The following CADPS variants were observed in gnomAD, a reference collection of about 807,000 sequenced individuals.
CADPS encodes the protein calcium dependent secretion activator, also known as calcium-dependent secretion activator 1.
CADPS carries 57 observed loss-of-function variants against 167.3 expected under a neutral mutation model. The ratio of observed to expected loss-of-function variants is 0.34; its 90% confidence interval spans 0.28 to 0.42. The LOEUF is 0.42. CADPS is among the 20% of genes least tolerant of loss of function. The pLI, the probability that CADPS is intolerant of heterozygous loss-of-function variation, is 1.00. For missense variants in CADPS, 1,414 were observed against 1,738.1 expected (o/e 0.81, Z 3.32); for synonymous variants, 676 against 635.3 (o/e 1.06, Z -0.96).
chr3:62,450,878 C>A (rs1440593582), intron 26 of CADPS, among the ~76,000 whole-genome samples: 1 of 152,084 alleles, frequency 6.6e-6, no homozygotes, highest in Non-Finnish European at 1.5e-5. Flanking sequence ...GTTGAAGAAA[C>A]CAAGGCTAAA....
chr3:62,755,376 C>T (rs1200944733), intron 2 of CADPS, among the ~76,000 whole-genome samples: 6 of 152,178 alleles, frequency 3.9e-5, no homozygotes, highest in African/African-American at 1.4e-4. Context: ...GGGTGTAATA[C>T]AAGGCAGTGA....
At chr3:62,793,187 A>G (rs1355033497) in intron 1 of CADPS, among the ~76,000 whole-genome samples, 1 of 152,202 alleles carries the variant, frequency 6.6e-6, no homozygotes, top group African/African-American at 2.4e-5. Context: ...GAACTTATGA[A>G]TGCCAAGTGA....
intron 8 of CADPS, among the ~76,000 whole-genome samples, chr3:62,582,742 T>C (rs1393345722): frequency 6.6e-6 from 1 of 152,204 alleles, no homozygotes; most frequent in South Asian, 2.1e-4. Flanking sequence ...AATTTTAAAA[T>C]GGAAGTCCAG....
chr3:62,766,506 C>T (rs1452535096), intron 1 of CADPS, among the ~76,000 whole-genome samples: 1 of 152,074 alleles, frequency 6.6e-6, no homozygotes, highest in African/African-American at 2.4e-5. Context: ...CTGCACATGC[C>T]CCTCTGGTGG....
intron 24 of CADPS, among the ~76,000 whole-genome samples, chr3:62,470,092 C>T (rs745506269): frequency 2.8e-4 from 43 of 152,138 alleles, no homozygotes; most frequent in African/African-American, 6.8e-4. Flanking sequence ...CTATTTAATA[C>T]GCAATTTCCC....
Position 62,453,646 on chromosome 3 carries a change from C to T in CADPS, c.3637-7849G>A, listed in dbSNP as rs145809006. ...GGCGGATGTACTGGGACTGCGTGTG[C>T]GGGTGAGCAGTTGAGCAAACCTCAG... On this transcript the variant is annotated intron_variant, in intron 26 of 29. Transcript: ENST00000383710. Among the ~76,000 whole-genome samples the T allele has an allele frequency of 3.5e-4, 53 of 152,268 alleles. 3 individuals carry two copies. In the East Asian group the frequency reaches 6.2e-3, roughly 18 times the overall value.
At chr3:62,581,494 T>C (rs2083430605) in intron 8 of CADPS, among the ~76,000 whole-genome samples, 1 of 135,884 alleles carries the variant, frequency 7.4e-6, no homozygotes, top group Non-Finnish European at 1.6e-5. Context: ...CAAGACAACA[T>C]AGTGAGATCC....
chr3:62,639,106 C>T (rs1432887188), intron 6 of CADPS, among the ~76,000 whole-genome samples: 1 of 152,142 alleles, frequency 6.6e-6, no homozygotes, highest in African/African-American at 2.4e-5. Context: ...CTGGACCAAG[C>T]ATTCTGGTCT....
At chr3:62,475,591 A>AAAAC (rs1553787191) in intron 23 of CADPS, among the ~76,000 whole-genome samples, 2 of 142,562 alleles carry the variant, frequency 1.4e-5, no homozygotes, top group African/African-American at 5.2e-5. Flanking sequence ...TAAGAAAAAA[A>AAAAC]AAAAAAAAAA....
Position 62,499,227 on chromosome 3 carries a change from C to T in CADPS, c.2641G>A (p.Asp881Asn). 1.2e-6 allele frequency: 2 copies of T among 1,613,852 alleles called. No individual in the cohort carries two copies. The highest frequency in any genetic ancestry group is 1.7e-6 in the Non-Finnish European group (2 of 1,179,794). Residue 881 changes from aspartate to asparagine, a missense_variant, in exon 18 of 30, where the codon GAT (aspartate) becomes AAT (asparagine). Coordinates refer to ENST00000383710, the MANE Select transcript of CADPS (RefSeq NM_003716.4). ...ACTAGTTCAGCAAGACGTATTGTAT[C>T]TTCAAGCTTTTTGGCAGGAGTGATT... ...RLITPAKKLE[D>N]TIRLAELVIE... is the part of the protein sequence containing the mutation.
At chr3:62,554,630 G>A (rs2077821764) in intron 10 of CADPS, among the ~76,000 whole-genome samples, 1 of 152,160 alleles carries the variant, frequency 6.6e-6, no homozygotes, top group Admixed American at 6.5e-5. Flanking sequence ...TCTCCAGCTG[G>A]CAAATGTTAC....
chr3:62,487,038 C>T (rs1247068725), intron 21 of CADPS, among the ~76,000 whole-genome samples: 1 of 152,144 alleles, frequency 6.6e-6, no homozygotes. Flanking sequence ...GCCACTTTTG[C>T]CCCATCCTTG....
At chr3:62,650,167 T>C (rs1350055772) in intron 5 of CADPS, among the ~76,000 whole-genome samples, 1 of 152,186 alleles carries the variant, frequency 6.6e-6, no homozygotes, top group African/African-American at 2.4e-5. Context: ...TTTTCCAAAA[T>C]GGCTGCACAA....
intron 1 of CADPS, among the ~76,000 whole-genome samples, chr3:62,800,792 C>A (rs1408382401): frequency 6.6e-6 from 1 of 152,056 alleles, no homozygotes; most frequent in Admixed American, 6.6e-5. Context: ...TAAACCAAAA[C>A]AACAACAAAA....
rs995812216 is a variant in CADPS at position 62,418,806 on chromosome 3, C to T, written c.3778-15621G>A. Among the ~76,000 whole-genome samples, 5 of 152,070 alleles carry T rather than the reference C, an allele frequency of 3.3e-5. No individual in the cohort carries two copies. In the South Asian group the frequency reaches 8.3e-4, roughly 25 times the overall value. ...CTTTTGATTAGCCTCCAAGGCCCTC[C>T]TGCCTTGAAAGAAAGAATCTAACTT... On this transcript the variant is annotated intron_variant, in intron 28 of 29. Coordinates refer to ENST00000383710, the MANE Select transcript of CADPS (RefSeq NM_003716.4).
chr3:62,759,707 G>T (rs1410751327), intron 2 of CADPS, among the ~76,000 whole-genome samples: 1 of 152,056 alleles, frequency 6.6e-6, no homozygotes, highest in African/African-American at 2.4e-5. Context: ...TACCTGGAAA[G>T]ATAGAAACCA....
At chr3:62,855,895 A>T (rs1235288480) in intron 1 of CADPS, among the ~76,000 whole-genome samples, 1 of 152,196 alleles carries the variant, frequency 6.6e-6, no homozygotes, top group East Asian at 1.9e-4. Flanking sequence ...CTTTTTCCCT[A>T]AAAATTTTAT....
intron 28 of CADPS, among the ~76,000 whole-genome samples, chr3:62,419,369 G>T (rs140819560): frequency 1.3e-5 from 2 of 152,200 alleles, no homozygotes; most frequent in Middle Eastern, 3.4e-3. Flanking sequence ...AGGCCTCCCT[G>T]TGCACTGAGA....
intron 3 of CADPS, among the ~76,000 whole-genome samples, chr3:62,745,062 G>GT (rs745477459): frequency 6.0e-5 from 9 of 151,036 alleles, no homozygotes; most frequent in Non-Finnish European, 1.3e-4. Flanking sequence ...TTTGTCCCTA[G>GT]TAACTGAGTA....
Sources: allele counts gnomAD v4.1 joint callset (sites outside exome capture counted in the v4.1 genomes callset), GRCh38; gene constraint gnomAD v4.1.1; transcripts MANE v1.5; gene names NCBI Gene and HGNC (gene_info 2026-07-23, HGNC 2026-07-21).